The following SLC5A3 variants were observed in gnomAD, a reference collection of about 807,000 sequenced individuals.
SLC5A3 encodes the protein sodium/myo-inositol cotransporter.
In SLC5A3, 10 loss-of-function variants were observed where a neutral mutation model predicts 43.2. The observed-to-expected ratio is 0.23, with a 90% CI of 0.14 to 0.39. The LOEUF (loss-of-function observed/expected upper bound fraction) is 0.39, where lower values mean the gene tolerates loss of function less well. Among genes scored for constraint, SLC5A3 ranks in the 10% least tolerant of loss-of-function variants. The pLI is 1.00. For synonymous variants in SLC5A3, 349 were observed against 322.0 expected (o/e 1.08, Z -0.90); for missense variants, 608 against 893.4 (o/e 0.68, Z 4.07).
In SLC5A3 at chr21:34,099,105, G is replaced by T. The variant is rs1420612604; in HGVS notation, c.*1750G>T. The T allele has an allele frequency of 7.0e-6, 7 of 999,538 alleles. No individual in the cohort carries two copies. Among genetic ancestry groups the T allele is most frequent in the Non-Finnish European group, 7.2e-6 (6 of 829,818 alleles). The allele number at this position is 999,538 out of a possible 1,614,324, so 61.9% of individuals were successfully genotyped here. A position where few individuals can be genotyped will look rare whatever the true frequency, so the allele number is the denominator to read the frequency against. ...CATAGTGTCTTCCCATGATCAGGAG[G>T]CTTTCTGAAGGACTGAGTCTGTAAA... On this transcript the variant is annotated 3_prime_UTR_variant, in exon 2 of 2. Coordinates refer to ENST00000381151, the MANE Select transcript of SLC5A3 (RefSeq NM_006933.7).
At chr21:34,076,565 A>T (rs564418483) in intron 1 of SLC5A3, among the ~76,000 whole-genome samples, 1 of 152,332 alleles carries the variant, frequency 6.6e-6, no homozygotes, top group Admixed American at 6.5e-5. Flanking sequence ...GGCATTTAGG[A>T]ATGTAGTTAA....
In SLC5A3 at chr21:34,100,419, C is replaced by T. The variant is rs1030524337; in HGVS notation, c.*3064C>T. 1 of 1,000,166 alleles carries T rather than the reference C, an allele frequency of 1.0e-6. No homozygotes were observed. Among genetic ancestry groups the T allele is most frequent in the African/African-American group, 1.7e-5 (1 of 57,292 alleles). 62.0% of individuals were successfully genotyped at this position (1,000,166 alleles called of 1,614,324 possible). On this transcript the variant is annotated 3_prime_UTR_variant, in exon 2 of 2. Transcript: ENST00000381151. ...TTTCTTCTTCCCCAGCTATTCTTTC[C>T]TGGGGGTAATTATGCTTTGTCTTTA...
In SLC5A3 at chr21:34,104,578, T is replaced by G. The variant is rs750332622; in HGVS notation, c.*7223T>G. 82 of 998,662 alleles carry G rather than the reference T, an allele frequency of 8.2e-5. No homozygotes were observed. In the Middle Eastern group the frequency reaches 1.6e-3, roughly 19 times the overall value. The allele number at this position is 998,662 out of a possible 1,614,324, so 61.9% of individuals were successfully genotyped here. ...AGACTATATCTGGTGTAGACTAATA[T>G]GAGATGTTTTAGAAGAGTTAACCTG... On this transcript the variant is annotated 3_prime_UTR_variant, in exon 2 of 2. Coordinates refer to ENST00000381151, the MANE Select transcript of SLC5A3 (RefSeq NM_006933.7).
At chr21:34,088,614 C>G (rs143079886) in intron 1 of SLC5A3, among the ~76,000 whole-genome samples, 47 of 152,292 alleles carry the variant, frequency 3.1e-4, no homozygotes, top group African/African-American at 1.1e-3. Flanking sequence ...TCAGTAATGT[C>G]CTTTTCACTG....
In SLC5A3 at chr21:34,101,029, C is replaced by T. The variant is rs142989559; in HGVS notation, c.*3674C>T. ...TCACATGGGTCGTTGGTGGTGACAC[C>T]TCACTGTTTCCTAGGTTTGGATAGA... On this transcript the variant is annotated 3_prime_UTR_variant, in exon 2 of 2. Coordinates refer to ENST00000381151, the MANE Select transcript of SLC5A3 (RefSeq NM_006933.7). The T allele has an allele frequency of 1.2e-4, 124 of 1,000,088 alleles. No individual in the cohort carries two copies. The African/African-American group carries it at 2.1e-3, about 17-fold the overall frequency. 62.0% of individuals were successfully genotyped at this position (1,000,088 alleles called of 1,614,324 possible). A position where few individuals can be genotyped will look rare whatever the true frequency, so the allele number is the denominator to read the frequency against.
At position 34,103,463 on chromosome 21, in the gene SLC5A3, C is replaced by T. The variant is rs1299589233; in HGVS notation, c.*6108C>T. Reference sequence around the variant, plus strand: ...TTAAAAACTTAAAGTTACTTATGTTCTGTGATCTTAATTTTGTTGTGTTTC... The same window carrying T: ...TTAAAAACTTAAAGTTACTTATGTTTTGTGATCTTAATTTTGTTGTGTTTC... On this transcript the variant is annotated 3_prime_UTR_variant, in exon 2 of 2. Coordinates refer to ENST00000381151, the MANE Select transcript of SLC5A3 (RefSeq NM_006933.7). 1.0e-6 allele frequency: 1 copy of T among 998,330 alleles called. No individual in the cohort carries two copies. The highest frequency in any genetic ancestry group is 6.2e-5 in the Admixed American group (1 of 16,230). The allele number at this position is 998,330 out of a possible 1,614,324, so 61.8% of individuals were successfully genotyped here.
Position 34,104,609 on chromosome 21 carries a change from T to C in SLC5A3, c.*7254T>C. On this transcript the variant is annotated 3_prime_UTR_variant, in exon 2 of 2. Transcript: ENST00000381151. ...GTTTTAGAAGAGTTAACCTGAACAC[T>C]TTGAGGGAGAGATTATTCTTGCCAG... 3 of 1,000,178 alleles carry C rather than the reference T, an allele frequency of 3.0e-6. No individual in the cohort carries two copies. The South Asian group carries it at 1.4e-4, about 47-fold the overall frequency. 62.0% of individuals were successfully genotyped at this position (1,000,178 alleles called of 1,614,324 possible). A position where few individuals can be genotyped will look rare whatever the true frequency, so the allele number is the denominator to read the frequency against.
rs756320010 is a variant in SLC5A3, at chr21:34,096,724, T to C, written c.1526T>C (p.Ile509Thr). Residue 509 changes from isoleucine (I) to threonine (T), a missense_variant, in exon 2 of 2, where the codon ATC (isoleucine) becomes ACC (threonine). This residue lies in a region of SLC5A3 where 398 missense variants were observed against 668.6 expected (regional missense o/e 0.60). Transcript: ENST00000381151. The surrounding 1 kb of genome is among the most constrained non-coding windows in gnomAD (Gnocchi z 5.9). ...PDNRPGFIKD[I>T]HYMYVATGLF... is the part of the protein sequence containing the mutation. Reference sequence around the variant, plus strand: ...AATAGGCCGGGCTTCATCAAAGACATCCATTATATGTATGTGGCCACAGGA... The same window carrying C: ...AATAGGCCGGGCTTCATCAAAGACACCCATTATATGTATGTGGCCACAGGA... The C allele has an allele frequency of 6.2e-7, 1 of 1,614,058 alleles. No homozygotes were observed. The highest frequency in any genetic ancestry group is 8.5e-7 in the Non-Finnish European group (1 of 1,179,984).
intron 1 of SLC5A3, among the ~76,000 whole-genome samples, chr21:34,094,288 G>GT (rs1309612630): frequency 2.0e-5 from 3 of 152,114 alleles, no homozygotes; most frequent in Non-Finnish European, 4.4e-5. Context: ...ATTTACTGGA[G>GT]TTTAAGAAGC....
Position 34,102,715 on chromosome 21 carries a change from C to CA in SLC5A3, c.*5364dup. On this transcript the variant is annotated 3_prime_UTR_variant, in exon 2 of 2. Transcript: ENST00000381151. ...CAGCTGAAGAGCGAGCAAATCAAGACAAAACACAGTGGTCTCAGATTTTTC... is the reference window on the plus strand; with the variant it reads ...CAGCTGAAGAGCGAGCAAATCAAGACAAAAACACAGTGGTCTCAGATTTTTC... 1.2e-5 allele frequency: 12 copies of CA among 1,000,118 alleles called. No individual in the cohort carries two copies. The highest frequency in any genetic ancestry group is 1.4e-5 in the Non-Finnish European group (12 of 829,876). The allele number at this position is 1,000,118 out of a possible 1,614,324, so 62.0% of individuals were successfully genotyped here.
In SLC5A3 at chr21:34,100,392, G is replaced by A. The variant is rs1292864525; in HGVS notation, c.*3037G>A. 6.0e-6 allele frequency: 6 copies of A among 999,974 alleles called. No homozygotes were observed. In the South Asian group the frequency reaches 1.4e-4, roughly 23 times the overall value. 61.9% of individuals were successfully genotyped at this position (999,974 alleles called of 1,614,324 possible). A position where few individuals can be genotyped will look rare whatever the true frequency, so the allele number is the denominator to read the frequency against. On this transcript the variant is annotated 3_prime_UTR_variant, in exon 2 of 2. Transcript: ENST00000381151. ...CCCCCAGAGAGTAAACACTTGAGCC[G>A]ATTTCTTCTTCCCCAGCTATTCTTT...
In SLC5A3 at chr21:34,103,035, A is replaced by G. The variant is rs1602938587; in HGVS notation, c.*5680A>G. ...CTAGATAAGTTTTCAATTTATCAAC[A>G]TAGCCTAGACTTCTGTAAGTGGAAT... On this transcript the variant is annotated 3_prime_UTR_variant, in exon 2 of 2. Transcript: ENST00000381151. 7.0e-6 allele frequency: 7 copies of G among 999,754 alleles called. No individual in the cohort carries two copies. The highest frequency in any genetic ancestry group is 6.2e-5 in the Admixed American group (1 of 16,256). The allele number at this position is 999,754 out of a possible 1,614,324, so 61.9% of individuals were successfully genotyped here.
rs1168394876 is a variant in SLC5A3 at position 34,104,030 on chromosome 21, C to G, written c.*6675C>G. ...AATATTACCTCTTAACAGTGCCCCC[C>G]CAAACATGCAGAAAGTCATACTTTA... On this transcript the variant is annotated 3_prime_UTR_variant, in exon 2 of 2. Coordinates refer to ENST00000381151, the MANE Select transcript of SLC5A3 (RefSeq NM_006933.7). The G allele has an allele frequency of 1.0e-6, 1 of 1,000,020 alleles. No individual in the cohort carries two copies. Among genetic ancestry groups the G allele is most frequent in the Non-Finnish European group, 1.2e-6 (1 of 829,890 alleles). 61.9% of individuals were successfully genotyped at this position (1,000,020 alleles called of 1,614,324 possible).
chr21:34,093,184 T>G (rs554442005), intron 1 of SLC5A3, among the ~76,000 whole-genome samples: 1 of 152,080 alleles, frequency 6.6e-6, no homozygotes, highest in Admixed American at 6.6e-5. Context: ...CATAGAAATA[T>G]GATCATCTTC....
rs749135471 is a variant in SLC5A3 at position 34,096,546 on chromosome 21, C to T, written c.1348C>T (p.Pro450Ser). ...TCAGGAGGTAGCAGATTACCTGACA[C>T]CCCCAGTGGCAGCCTTGTTCCTGCT... is the stretch of plus-strand genomic sequence containing the variant. ...YIQEVADYLT[P>S]PVAALFLLAI... The change falls in exon 2 of 2, where the codon CCC (proline) becomes TCC (serine). Residue 450 changes from proline to serine, a missense_variant. By Grantham distance (74) the Pro-to-Ser change is moderately conservative (BLOSUM62 -1). Coordinates refer to ENST00000381151, the MANE Select transcript of SLC5A3 (RefSeq NM_006933.7). The surrounding 1 kb of genome is among the most constrained non-coding windows in gnomAD (Gnocchi z 5.9). The T allele has an allele frequency of 1.2e-6, 2 of 1,614,124 alleles. No homozygotes were observed. The highest frequency in any genetic ancestry group is 3.3e-5 in the Admixed American group (2 of 60,010).
At chr21:34,081,534 A>G (rs1362235039) in intron 1 of SLC5A3, among the ~76,000 whole-genome samples, 1 of 152,228 alleles carries the variant, frequency 6.6e-6, no homozygotes, top group Non-Finnish European at 1.5e-5. Flanking sequence ...ATGTGTTACC[A>G]TAGAATAAAC....
chr21:34,094,628 G>T (rs1978879718), intron 1 of SLC5A3, among the ~76,000 whole-genome samples: 1 of 152,218 alleles, frequency 6.6e-6, no homozygotes, highest in African/African-American at 2.4e-5. Flanking sequence ...ACTTAGTTAT[G>T]AGGTAGATGA....
chr21:34,092,318 TTA>T (rs1190616243), intron 1 of SLC5A3, among the ~76,000 whole-genome samples: 2 of 152,036 alleles, frequency 1.3e-5, no homozygotes, highest in Non-Finnish European at 2.9e-5. Context: ...TTTCCAGTCT[TTA>T]CCAGGTGCTG....
In SLC5A3 at chr21:34,105,313, T is replaced by G. The variant is rs1351479333; in HGVS notation, c.*7958T>G. The G allele has an allele frequency of 1.4e-5, 14 of 999,956 alleles. No homozygotes were observed. Among genetic ancestry groups the G allele is most frequent in the Non-Finnish European group, 1.6e-5 (13 of 829,816 alleles). The allele number at this position is 999,956 out of a possible 1,614,324, so 61.9% of individuals were successfully genotyped here. A position where few individuals can be genotyped will look rare whatever the true frequency, so the allele number is the denominator to read the frequency against. The stretch of plus-strand genomic sequence containing the variant: ...TTATACTTCTCAGTGCTTTCTTTTT[T>G]CTTTTTGATAAGATGGATATCAAAA... On this transcript the variant is annotated 3_prime_UTR_variant, in exon 2 of 2. Coordinates refer to ENST00000381151, the MANE Select transcript of SLC5A3 (RefSeq NM_006933.7).
Sources: allele counts gnomAD v4.1 joint callset (sites outside exome capture counted in the v4.1 genomes callset), GRCh38; gene constraint gnomAD v4.1.1; regional missense constraint gnomAD v4.1.1; non-coding constraint Gnocchi (gnomAD v3.1); transcripts MANE v1.5; gene names NCBI Gene and HGNC (gene_info 2026-07-23, HGNC 2026-07-21).